EVC2: variants seen among roughly 807,000 people sequenced by gnomAD.
The protein encoded by EVC2 is limbin.
A neutral mutation model predicts 149.3 loss-of-function variants in EVC2; 148 were observed. The observed-to-expected ratio is 0.99, with a 90% confidence interval of 0.87 to 1.14. The LOEUF (loss-of-function observed/expected upper bound fraction) is 1.14, where lower values mean the gene tolerates loss of function less well. EVC2 is among the 50% of genes most tolerant of loss of function. The pLI is 0.00. For missense variants in EVC2, 1,854 were observed against 1,627.3 expected, an observed-to-expected ratio of 1.14 and a Z score of -2.40; for synonymous variants, 776 against 649.9, an observed-to-expected ratio of 1.19 and a Z score of -2.95.
At chr4:5,537,102 T>C in the EVC2 span, among the ~76,000 whole-genome samples, 7 of 152,146 alleles carry the variant, frequency 4.6e-5, no homozygotes, top group South Asian at 2.1e-4. Context: ...CAACAAAGGA[T>C]AGTGACCCTG....
intron 10 of EVC2, among the ~76,000 whole-genome samples, chr4:5,639,440 T>C (rs374645391): frequency 6.6e-6 from 1 of 152,232 alleles, no homozygotes; most frequent in African/African-American, 2.4e-5. Flanking sequence ...TTCTGAGCAA[T>C]CTAGGCCAGC....
chr4:5,532,721 A>G, the EVC2 span, among the ~76,000 whole-genome samples: 101 of 152,116 alleles, frequency 6.6e-4, 1 homozygote, highest in African/African-American at 2.2e-3. Flanking sequence ...TTAGCTGCTG[A>G]TATTTATTGG....
intron 21 of EVC2, among the ~76,000 whole-genome samples, chr4:5,563,885 A>C (rs748566155): frequency 6.6e-6 from 1 of 152,086 alleles, no homozygotes; most frequent in Non-Finnish European, 1.5e-5. Context: ...TTTGCCATAG[A>C]AGAGTGTGGC....
intron 1 of EVC2, among the ~76,000 whole-genome samples, chr4:5,707,458 C>T (rs1207257422): frequency 6.6e-6 from 1 of 152,080 alleles, no homozygotes; most frequent in African/African-American, 2.4e-5. Flanking sequence ...GAATAGGAGC[C>T]TGGGTGTGCT....
In EVC2 at chr4:5,686,856, T is replaced by G. The variant is rs1038141992; in HGVS notation, c.707-1377A>C. Among the ~76,000 whole-genome samples, 2 of 151,268 alleles carry G rather than the reference T, an allele frequency of 1.3e-5. No individual in the cohort carries two copies. Among genetic ancestry groups the G allele is most frequent in the African/African-American group, 4.9e-5 (2 of 41,118 alleles). On this transcript the variant is annotated intron_variant, in intron 5 of 21. Transcript: ENST00000344408. This position sits in a 1 kb window ranked among gnomAD's most constrained non-coding sequence, Gnocchi z 5.4. Reference sequence around the variant, plus strand: ...TCACATTCCTTGGCGTAGCGGTGAGTTCACAGATAAATATGATTTGGACAC... The same window carrying G: ...TCACATTCCTTGGCGTAGCGGTGAGGTCACAGATAAATATGATTTGGACAC...
At chr4:5,705,832 C>T (rs13102375) in intron 1 of EVC2, among the ~76,000 whole-genome samples, 44,160 of 151,918 alleles carry the variant, frequency 0.29, 7,808 homozygotes, top group Admixed American at 0.4. Flanking sequence ...GGTTCAGTGA[C>T]GCCAGGGATT....
At chr4:5,653,681 T>C (rs1718301157) in intron 9 of EVC2, among the ~76,000 whole-genome samples, 1 of 152,224 alleles carries the variant, frequency 6.6e-6, no homozygotes, top group Admixed American at 6.5e-5. Flanking sequence ...CTGTAACAAA[T>C]GTAGCATGCT....
At chr4:5,533,408 G>A in the EVC2 span, among the ~76,000 whole-genome samples, 1 of 152,174 alleles carries the variant, frequency 6.6e-6, no homozygotes, top group Non-Finnish European at 1.5e-5. Flanking sequence ...CAGAGCCAGT[G>A]GGGGGTGGAG....
chr4:5,577,669 A>G (rs1188673680), intron 17 of EVC2, among the ~76,000 whole-genome samples: 7 of 152,184 alleles, frequency 4.6e-5, no homozygotes, highest in Non-Finnish European at 1.5e-5. Flanking sequence ...TCCGCCAGAG[A>G]TAGACTGCAT....
At chr4:5,681,511 C>T (rs919661691) in intron 6 of EVC2, among the ~76,000 whole-genome samples, 198 bp from the exon 7 acceptor site, 6 of 152,110 alleles carry the variant, frequency 3.9e-5, no homozygotes, top group East Asian at 1.9e-4. Flanking sequence ...TACTGGAGGC[C>T]GTGTGAAATC....
At chr4:5,585,224 G>T (rs1712170632) in intron 16 of EVC2, among the ~76,000 whole-genome samples, 1 of 152,106 alleles carries the variant, frequency 6.6e-6, no homozygotes, top group African/African-American at 2.4e-5. Flanking sequence ...CCCCTGGACA[G>T]GTCTGGTCTG....
At chr4:5,666,762 C>T (rs368115069) in intron 7 of EVC2, among the ~76,000 whole-genome samples, 1 of 152,200 alleles carries the variant, frequency 6.6e-6, no homozygotes. Flanking sequence ...TTCTTGGATC[C>T]CATTTCTTCC....
intron 19 of EVC2, 120 bp from the exon 20 acceptor site, chr4:5,568,760 G>T: frequency 8.3e-7 from 1 of 1,205,034 alleles, no homozygotes; most frequent in Non-Finnish European, 1.2e-6. Context: ...CAGTAGCTTA[G>T]TCTGGAAAAC....
At chr4:5,579,162 G>C (rs1486636070) in intron 17 of EVC2, among the ~76,000 whole-genome samples, 3 of 152,114 alleles carry the variant, frequency 2.0e-5, no homozygotes, top group African/African-American at 4.8e-5. Context: ...CACCGTGCAG[G>C]GGGGTAACTA....
intron 9 of EVC2, among the ~76,000 whole-genome samples, chr4:5,658,378 A>C (rs922537371): frequency 6.6e-6 from 1 of 152,258 alleles, no homozygotes; most frequent in African/African-American, 2.4e-5. Context: ...TCATTTCTCT[A>C]AAGTGTTTAC....
Position 5,680,101 on chromosome 4 carries a change from T to C in EVC2, c.870+1159A>G, listed in dbSNP as rs940758212. On this transcript the variant is annotated intron_variant, in intron 7 of 21. Coordinates refer to ENST00000344408, the MANE Select transcript of EVC2 (RefSeq NM_147127.5). Reference sequence around the variant, plus strand: ...AGGTCTTCAGAGGCAATAACAGGCATGGACCTGTCATCTCCTAGGATAACA... The same window carrying C: ...AGGTCTTCAGAGGCAATAACAGGCACGGACCTGTCATCTCCTAGGATAACA... 1.2e-4 allele frequency among the ~76,000 whole-genome samples: 18 copies of C among 152,202 alleles called. 1 individual carries two copies. The highest frequency in any genetic ancestry group is 4.3e-4 in the African/African-American group (18 of 41,450).
At chr4:5,667,026 T>C (rs1719328801) in intron 7 of EVC2, among the ~76,000 whole-genome samples, 1 of 152,158 alleles carries the variant, frequency 6.6e-6, no homozygotes, top group African/African-American at 2.4e-5. Flanking sequence ...TCTGTTTTTG[T>C]TTTCTGGGTG....
chr4:5,708,357 C>T lies in EVC2; in HGVS notation c.157G>A (p.Ala53Thr), dbSNP rs1380662525. Residue 53 changes from alanine (A) to threonine (T), a missense_variant, in exon 1 of 22, where the codon GCT (alanine) becomes ACT (threonine). Coordinates refer to ENST00000344408, the MANE Select transcript of EVC2 (RefSeq NM_147127.5). ...GAQPPRDPQV[A>T]PRSGPGLRIP... The stretch of plus-strand genomic sequence containing the variant: ...CTCAGGCCGGGCCCAGACCTAGGAG[C>T]CACCTGGGGATCCCGGGGTGGCTGC... The T allele has an allele frequency of 6.1e-6, 9 of 1,485,818 alleles. No individual in the cohort carries two copies. The highest frequency in any genetic ancestry group is 1.3e-5 in the South Asian group (1 of 77,860). 92.0% of individuals were successfully genotyped at this position (1,485,818 alleles called of 1,614,324 possible).
At chr4:5,601,987 T>C (rs1392798702) in intron 16 of EVC2, among the ~76,000 whole-genome samples, 1 of 152,038 alleles carries the variant, frequency 6.6e-6, no homozygotes, top group Non-Finnish European at 1.5e-5. Flanking sequence ...AGAAGAGGAT[T>C]AATAAAGCTG....
Sources: gnomAD v4.1 joint callset for allele counts (sites outside exome capture counted in the v4.1 genomes callset) on GRCh38, gnomAD v4.1.1 for gene constraint, Gnocchi (gnomAD v3.1) non-coding constraint, MANE v1.5 for transcripts, NCBI Gene and HGNC (gene_info 2026-07-23, HGNC 2026-07-21) for gene names.